The following CAMK2B variants were observed in gnomAD, a reference collection of about 807,000 sequenced individuals.
The protein encoded by CAMK2B is calcium/calmodulin dependent protein kinase II beta.
CAMK2B carries 27 observed loss-of-function variants against 93.7 expected under a neutral mutation model. That is an observed-to-expected ratio of 0.29 (90% confidence interval 0.21 to 0.40). The LOEUF is 0.40. Among genes scored for constraint, CAMK2B ranks in the 10% least tolerant of loss-of-function variants. CAMK2B has a pLI of 1.00. For missense variants in CAMK2B, 568 were observed against 895.8 expected, an observed-to-expected ratio of 0.63 and a Z score of 4.67; for synonymous variants, 374 against 358.8, an observed-to-expected ratio of 1.04 and a Z score of -0.48.
chr7:44,222,827 A>G (rs992326457), intron 20 of CAMK2B, among the ~76,000 whole-genome samples: 3 of 31,738 alleles, frequency 9.5e-5, no homozygotes, highest in African/African-American at 4.4e-4. Context: ...ACCACCAGGG[A>G]GCCCACCTGG....
chr7:44,325,430 C>T lies in CAMK2B; in HGVS notation c.-9G>A. 8.8e-7 allele frequency: 1 copy of T among 1,138,074 alleles called. No homozygotes were observed. Among genetic ancestry groups the T allele is most frequent in the East Asian group, 6.3e-5 (1 of 15,980 alleles). The allele number at this position is 1,138,074 out of a possible 1,614,324, so 70.5% of individuals were successfully genotyped here. A position where few individuals can be genotyped will look rare whatever the true frequency, so the allele number is the denominator to read the frequency against. On this transcript the variant is annotated 5_prime_UTR_variant, in exon 1 of 24. Transcript: ENST00000395749. Reference sequence around the variant, plus strand: ...GTCACCGTGGTGGCCATGGCGGCGGCGGACGGGCTCGGCGTGCGCTCGGCT... The same window carrying T: ...GTCACCGTGGTGGCCATGGCGGCGGTGGACGGGCTCGGCGTGCGCTCGGCT...
At chr7:44,296,798 A>C (rs1788438516) in intron 1 of CAMK2B, among the ~76,000 whole-genome samples, 1 of 152,162 alleles carries the variant, frequency 6.6e-6, no homozygotes, top group South Asian at 2.1e-4. Flanking sequence ...ATGAACCACC[A>C]ACCTAGAATT....
intron 17 of CAMK2B, chr7:44,229,790 C>T: frequency 6.0e-6 from 2 of 332,588 alleles, no homozygotes; most frequent in Non-Finnish European, 1.1e-5. Context: ...AGAGGCCACC[C>T]TGCCACCCTA....
In CAMK2B at chr7:44,285,091, T is replaced by G. The variant is rs147400842; in HGVS notation, c.66-866A>C. Among the ~76,000 whole-genome samples the G allele has an allele frequency of 5.7e-3, 872 of 152,194 alleles. 8 individuals carry two copies. The highest frequency in any genetic ancestry group is 0.02 in the African/African-American group (813 of 41,534). On this transcript the variant is annotated intron_variant, in intron 1 of 23. Transcript: ENST00000395749. ...CTGCAGAGGAGCTCCTGCCCTGGCT[T>G]CAGGGCGCCCTGAGGGAGTCAGTGC...
chr7:44,219,349 T>G lies in CAMK2B; in HGVS notation c.*176A>C, dbSNP rs1263367753. 1 of 130,582 alleles carries G rather than the reference T, an allele frequency of 7.7e-6. No individual in the cohort carries two copies. The highest frequency in any genetic ancestry group is 2.6e-5 in the African/African-American group (1 of 38,198). 8.1% of individuals were successfully genotyped at this position (130,582 alleles called of 1,614,324 possible). ...GTGGTTGTCGTCGTCATCTTGTTTT[T>G]TTTTTTTTTTTTTTTGTTTTTTTTT... On this transcript the variant is annotated 3_prime_UTR_variant, in exon 24 of 24. Transcript: ENST00000395749.
intron 23 of CAMK2B, among the ~76,000 whole-genome samples, chr7:44,219,847 C>T (rs1418482145): frequency 6.6e-6 from 1 of 152,200 alleles, no homozygotes; most frequent in Non-Finnish European, 1.5e-5. Flanking sequence ...CAGGCCCTCA[C>T]CAGCTCCCCA....
chr7:44,235,566 G>A (rs1433947230), intron 13 of CAMK2B, among the ~76,000 whole-genome samples: 2 of 152,282 alleles, frequency 1.3e-5, no homozygotes, highest in Non-Finnish European at 1.5e-5. Context: ...GAGAAGGGGA[G>A]GGAGTGAGGA....
At chr7:44,250,074 C>T (rs541505920) in intron 5 of CAMK2B, among the ~76,000 whole-genome samples, 1 of 152,372 alleles carries the variant, frequency 6.6e-6, no homozygotes, top group Non-Finnish European at 1.5e-5. Context: ...CAAACGCATG[C>T]TCAGGATTGA....
chr7:44,257,967 G>A (rs1022783399), intron 4 of CAMK2B, among the ~76,000 whole-genome samples: 1 of 152,260 alleles, frequency 6.6e-6, no homozygotes, highest in Non-Finnish European at 1.5e-5. Context: ...CCAAGGCTGG[G>A]CTTCTCTGGC....
chr7:44,261,530 C>T (rs182934728), intron 3 of CAMK2B, among the ~76,000 whole-genome samples: 81 of 152,206 alleles, frequency 5.3e-4, no homozygotes, highest in African/African-American at 1.9e-3. Context: ...AGATGGGCTC[C>T]GGGGTGGCAG....
At chr7:44,293,068 C>A (rs985307173) in intron 1 of CAMK2B, among the ~76,000 whole-genome samples, 16 of 152,132 alleles carry the variant, frequency 1.1e-4, no homozygotes, top group African/African-American at 3.9e-4. Flanking sequence ...CCCCTTTGGT[C>A]TCCTGGGGAC....
rs1785043930 is a variant in CAMK2B, at chr7:44,286,208, A to AGCCTTGCTC, written c.66-1984_66-1983insGAGCAAGGC. On this transcript the variant is annotated intron_variant, in intron 1 of 23. Transcript: ENST00000395749. The surrounding 1 kb of genome is among the most constrained non-coding windows in gnomAD (Gnocchi z 4.0). Reference sequence around the variant, plus strand: ...GCCGGACTTCTTGCTCAGGAGAGGTAAGAGCTTCCCGAAACCAGTCCTGAG... The same window carrying AGCCTTGCTC: ...GCCGGACTTCTTGCTCAGGAGAGGTAGCCTTGCTCAGAGCTTCCCGAAACCAGTCCTGAG... Among the ~76,000 whole-genome samples, 1 of 151,928 alleles carries AGCCTTGCTC rather than the reference A, an allele frequency of 6.6e-6. No individual in the cohort carries two copies. Among genetic ancestry groups the AGCCTTGCTC allele is most frequent in the Non-Finnish European group, 1.5e-5 (1 of 67,980 alleles).
intron 10 of CAMK2B, 104 bp downstream of exon 10, chr7:44,242,114 G>A: frequency 7.2e-7 from 1 of 1,386,184 alleles, no homozygotes. Flanking sequence ...GGGAGCTCTT[G>A]GATGTCAGGA....
chr7:44,231,584 C>T (rs1242954978), intron 16 of CAMK2B, among the ~76,000 whole-genome samples: 2 of 152,248 alleles, frequency 1.3e-5, no homozygotes, highest in Non-Finnish European at 1.5e-5. Flanking sequence ...ATCCAAAATA[C>T]AGGGTGAGGC....
At chr7:44,261,104 C>T (rs1249612711) in intron 3 of CAMK2B, among the ~76,000 whole-genome samples, 2 of 152,220 alleles carry the variant, frequency 1.3e-5, no homozygotes, top group Non-Finnish European at 2.9e-5. Context: ...CTCCTAGGCT[C>T]CCATTCTACC....
intron 1 of CAMK2B, among the ~76,000 whole-genome samples, chr7:44,316,886 G>A (rs1021930655): frequency 2.0e-5 from 3 of 152,012 alleles, no homozygotes; most frequent in East Asian, 1.9e-4. Flanking sequence ...TTTAGCAATT[G>A]GAGTCTTCTT....
chr7:44,299,707 TATTA>T (rs1789368061), intron 1 of CAMK2B, among the ~76,000 whole-genome samples: 1 of 152,192 alleles, frequency 6.6e-6, no homozygotes, highest in African/African-American at 2.4e-5. Context: ...CTCTACTATT[TATTA>T]ATTGTGTGAT....
chr7:44,295,879 G>A (rs1293027409), intron 1 of CAMK2B, among the ~76,000 whole-genome samples: 6 of 152,154 alleles, frequency 3.9e-5, no homozygotes, highest in Non-Finnish European at 5.9e-5. Context: ...GGATGGAAGA[G>A]AGAGACTGAG....
At chr7:44,310,400 G>T (rs1158614799) in intron 1 of CAMK2B, among the ~76,000 whole-genome samples, 1 of 152,178 alleles carries the variant, frequency 6.6e-6, no homozygotes, top group African/African-American at 2.4e-5. Context: ...CTCCTGGTTC[G>T]TAAGTGGGGA....
Sources: allele counts gnomAD v4.1 joint callset (sites outside exome capture counted in the v4.1 genomes callset), GRCh38; gene constraint gnomAD v4.1.1; non-coding constraint Gnocchi (gnomAD v3.1); transcripts MANE v1.5; gene names NCBI Gene and HGNC (gene_info 2026-07-23, HGNC 2026-07-21).